MYO5A: variants seen among roughly 807,000 people sequenced by gnomAD.
MYO5A encodes myosin VA.
A neutral mutation model predicts 249.7 loss-of-function variants in MYO5A; 98 were observed. The observed-to-expected ratio is 0.39, with a 90% confidence interval of 0.33 to 0.46. The LOEUF is 0.46. MYO5A is among the 20% of genes least tolerant of loss of function. The pLI, the probability that MYO5A is intolerant of heterozygous loss-of-function variation, is 0.98. For synonymous variants in MYO5A, 778 were observed against 810.6 expected, an observed-to-expected ratio of 0.96 and a Z score of 0.68; for missense variants, 1,696 against 2,308.8, an observed-to-expected ratio of 0.73 and a Z score of 5.44.
intron 1 of MYO5A, among the ~76,000 whole-genome samples, chr15:52,484,482 T>C (rs2076777693): frequency 6.6e-6 from 1 of 152,248 alleles, no homozygotes; most frequent in African/African-American, 2.4e-5. Flanking sequence ...ACTTTAATCC[T>C]GACTTCTGTT....
intron 16 of MYO5A, 130 bp from the exon 17 acceptor site, chr15:52,380,038 A>G: frequency 1.1e-6 from 1 of 876,552 alleles, no homozygotes; most frequent in Admixed American, 2.0e-5. Flanking sequence ...AGCTTTCAGA[A>G]GTCGGAGCAG....
chr15:52,494,197 TAA>T (rs2076992513), intron 1 of MYO5A, among the ~76,000 whole-genome samples: 1 of 152,186 alleles, frequency 6.6e-6, no homozygotes, highest in African/African-American at 2.4e-5. Context: ...CAAAAAGCAT[TAA>T]TGACTCATCA....
intron 18 of MYO5A, among the ~76,000 whole-genome samples, chr15:52,378,590 G>A (rs1476200872): frequency 1.5e-5 from 2 of 130,846 alleles, no homozygotes; most frequent in African/African-American, 5.4e-5. Flanking sequence ...AAGCATTGCT[G>A]AGGAAGTGGC....
chr15:52,468,427 G>A (rs536910480), intron 1 of MYO5A, among the ~76,000 whole-genome samples: 2 of 152,266 alleles, frequency 1.3e-5, no homozygotes, highest in Non-Finnish European at 2.9e-5. Context: ...AGAGGCTGAG[G>A]TGGGAGTACT....
chr15:52,457,975 C>A (rs2076154273), intron 1 of MYO5A, among the ~76,000 whole-genome samples: 1 of 152,092 alleles, frequency 6.6e-6, no homozygotes, highest in East Asian at 1.9e-4. Context: ...AACTGGAGGT[C>A]ATTAAGTTGA....
At chr15:52,399,649 T>A (rs1216473410) in intron 9 of MYO5A, among the ~76,000 whole-genome samples, 1 of 152,062 alleles carries the variant, frequency 6.6e-6, no homozygotes, top group South Asian at 2.1e-4. Context: ...ACCTGAAACT[T>A]TTTTTTCTTT....
intron 1 of MYO5A, among the ~76,000 whole-genome samples, chr15:52,490,784 T>G (rs1358214182): frequency 6.6e-6 from 1 of 152,134 alleles, no homozygotes; most frequent in Non-Finnish European, 1.5e-5. Context: ...AGTGGTGTGA[T>G]GATCACAGCT....
chr15:52,474,199 A>T (rs2076540163), intron 1 of MYO5A, among the ~76,000 whole-genome samples: 2 of 152,150 alleles, frequency 1.3e-5, no homozygotes, highest in African/African-American at 4.8e-5. Flanking sequence ...TTTGTCTGTT[A>T]TTGATGTGTA....
At chr15:52,410,268 A>T (rs891798682) in intron 6 of MYO5A, 65 bp downstream of exon 6, 1 of 1,515,736 alleles carries the variant, frequency 6.6e-7, no homozygotes, top group Non-Finnish European at 9.1e-7. Context: ...GCATACCAGC[A>T]AGCATGGACT....
intron 1 of MYO5A, among the ~76,000 whole-genome samples, chr15:52,527,002 G>A (rs1182458374): frequency 6.7e-6 from 1 of 150,242 alleles, no homozygotes; most frequent in East Asian, 1.9e-4. Context: ...ATACACTAAT[G>A]ATAAATGATG....
Position 52,470,736 on chromosome 15 carries a change from T to C in MYO5A, c.28-37451A>G, listed in dbSNP as rs545056257. On this transcript the variant is annotated intron_variant, in intron 1 of 41. Transcript: ENST00000399233. ...CAATGGAACCAATTCAGAAAAAGGG[T>C]TCTTGGCCGGGCACAGTGGCTCACA... is the stretch of plus-strand genomic sequence containing the variant. Among the ~76,000 whole-genome samples the C allele has an allele frequency of 2.7e-5, 4 of 150,590 alleles. No individual in the cohort carries two copies. The South Asian group carries it at 8.5e-4, about 32-fold the overall frequency.
intron 1 of MYO5A, among the ~76,000 whole-genome samples, chr15:52,444,463 AG>A (rs2075848000): frequency 6.6e-6 from 1 of 152,256 alleles, no homozygotes; most frequent in African/African-American, 2.4e-5. Flanking sequence ...TTATTATTAA[AG>A]AAGTTCCTTA....
chr15:52,465,397 T>C (rs2076332519), intron 1 of MYO5A, among the ~76,000 whole-genome samples: 1 of 151,792 alleles, frequency 6.6e-6, no homozygotes, highest in Non-Finnish European at 1.5e-5. Flanking sequence ...GAAAGAATGG[T>C]TGGTATAAAA....
chr15:52,416,380 T>C, intron 4 of MYO5A, 79 bp from the exon 5 acceptor site: 1 of 1,469,016 alleles, frequency 6.8e-7, no homozygotes, highest in Non-Finnish European at 9.4e-7. Context: ...ATGGTCTCTA[T>C]GGAAGTAGGG....
Position 52,479,545 on chromosome 15 carries a change from A to C in MYO5A, c.28-46260T>G, listed in dbSNP as rs564610952. Among the ~76,000 whole-genome samples, 78 of 152,242 alleles carry C rather than the reference A, an allele frequency of 5.1e-4. 3 individuals are homozygous for C. In the South Asian group the frequency reaches 0.014, roughly 27 times the overall value. On this transcript the variant is annotated intron_variant, in intron 1 of 41. Coordinates refer to ENST00000399233, the MANE Select transcript of MYO5A (RefSeq NM_001382347.1). ...TTCACAGGTCAACTGCATAGTTTAG[A>C]GGTTGTGGTATATCTATATAATGGA...
At chr15:52,422,753 G>C (rs973329507) in intron 4 of MYO5A, among the ~76,000 whole-genome samples, 3 of 152,080 alleles carry the variant, frequency 2.0e-5, no homozygotes, top group Non-Finnish European at 4.4e-5. Context: ...GTCTTGCTCT[G>C]TCACCCAGGC....
rs2037752842 is a variant in MYO5A, at chr15:52,310,968, A to C, written c.*2728T>G. ...GAGGTTAATTCAGACCCCCATCTGGAGCTCTGGGTAGACCTGGGAGGAAGC... is the reference window on the plus strand; with the variant it reads ...GAGGTTAATTCAGACCCCCATCTGGCGCTCTGGGTAGACCTGGGAGGAAGC... On this transcript the variant is annotated 3_prime_UTR_variant, in exon 42 of 42. Transcript: ENST00000399233. The C allele has an allele frequency of 6.6e-6, 1 of 152,122 alleles. No homozygotes were observed. Among genetic ancestry groups the C allele is most frequent in the Non-Finnish European group, 1.5e-5 (1 of 68,052 alleles). The allele number at this position is 152,122 out of a possible 1,614,324, so 9.4% of individuals were successfully genotyped here. A position where few individuals can be genotyped will look rare whatever the true frequency, so the allele number is the denominator to read the frequency against.
chr15:52,497,022 C>A (rs1454660135), intron 1 of MYO5A, among the ~76,000 whole-genome samples: 1 of 152,162 alleles, frequency 6.6e-6, no homozygotes. Context: ...ACTGCAGTGA[C>A]ACAATCACGA....
chr15:52,481,978 T>A (rs560927775), intron 1 of MYO5A, among the ~76,000 whole-genome samples: 2 of 152,330 alleles, frequency 1.3e-5, no homozygotes, highest in South Asian at 4.1e-4. Context: ...AGTAGAATTA[T>A]AAGAACATGA....
Sources: gnomAD v4.1 joint callset for allele counts (sites outside exome capture counted in the v4.1 genomes callset) on GRCh38, gnomAD v4.1.1 for gene constraint, MANE v1.5 for transcripts, NCBI Gene and HGNC (gene_info 2026-07-23, HGNC 2026-07-21) for gene names.